GAB3: variants seen among roughly 807,000 people sequenced by gnomAD.
GAB3 encodes GRB2 associated binding protein 3, also known as GRB2-associated-binding protein 3.
In GAB3, 12 loss-of-function variants were observed where a neutral mutation model predicts 40.4. That is an observed-to-expected ratio of 0.30 (90% CI 0.19 to 0.48). The LOEUF is 0.48. Among genes scored for constraint, GAB3 ranks in the 20% least tolerant of loss-of-function variants. The pLI is 0.99. For missense variants in GAB3, 381 were observed against 461.9 expected, an observed-to-expected ratio of 0.82 and a Z score of 1.61; for synonymous variants, 154 against 176.7, an observed-to-expected ratio of 0.87 and a Z score of 1.02.
At chrX:154,707,123 C>T (rs6643615) in intron 4 of GAB3, among the ~76,000 whole-genome samples, 52,122 of 109,911 alleles carry the variant, frequency 0.47, 10,852 homozygotes, top group East Asian at 0.77. Flanking sequence ...AAACCAAAGA[C>T]GTCATGATAA....
At chrX:154,692,798 GATAA>G (rs1384706318) in intron 8 of GAB3, among the ~76,000 whole-genome samples, 59 of 111,697 alleles carry the variant, frequency 5.3e-4, no homozygotes, top group African/African-American at 1.8e-3. Context: ...CAAAAAAAAA[GATAA>G]ATAAAAATTG....
At chrX:154,697,941 A>AC (rs1251101018) in intron 6 of GAB3, among the ~76,000 whole-genome samples, 5 of 111,495 alleles carry the variant, frequency 4.5e-5, no homozygotes, top group Non-Finnish European at 9.4e-5. Flanking sequence ...TCAGGTATCC[A>AC]CCTTTGCATC....
chrX:154,713,217 G>A lies in GAB3; in HGVS notation c.586C>T (p.His196Tyr). Reference protein sequence around the residue: ...VLSNCETGRLHHTSLPTRCDS... With the variant: ...VLSNCETGRLYHTSLPTRCDS... ...TGGGCATAAGCATACCTGGTATGGT[G>A]CAGTCTTCCAGTCTCGCAGTTGGAC... is the stretch of plus-strand genomic sequence containing the variant. The change falls in exon 3 of 10, where the codon CAC becomes TAC. Residue 196 changes from histidine (H) to tyrosine (Y), a missense_variant. By Grantham distance (83) the His-to-Tyr change is moderately conservative. Coordinates refer to ENST00000424127, the MANE Select transcript of GAB3 (RefSeq NM_001081573.3). The A allele has an allele frequency of 8.3e-7, 1 of 1,206,623 alleles. No homozygotes were observed. Among genetic ancestry groups the A allele is most frequent in the East Asian group, 3.0e-5 (1 of 33,810 alleles).
chrX:154,678,400 G>A, intron 9 of GAB3, 106 bp from the exon 10 acceptor site: 2 of 501,262 alleles, frequency 4.0e-6, no homozygotes, highest in Non-Finnish European at 6.9e-6. Flanking sequence ...CCTTTCCTCT[G>A]TGTGGAAACT....
At chrX:154,687,150 C>T (rs960460980) in intron 8 of GAB3, among the ~76,000 whole-genome samples, 3 of 109,682 alleles carry the variant, frequency 2.7e-5, no homozygotes, top group African/African-American at 1.0e-4. Flanking sequence ...CGAGATTGTG[C>T]CACTGCACTC....
rs957151461 is a variant in GAB3, at chrX:154,693,505, G to A, written c.1530+2412C>T. Among the ~76,000 whole-genome samples the A allele has an allele frequency of 4.5e-5, 5 of 111,850 alleles. No homozygotes were observed. The South Asian group carries it at 1.1e-3, about 25-fold the overall frequency. On this transcript the variant is annotated intron_variant, in intron 8 of 9. Transcript: ENST00000424127. The stretch of plus-strand genomic sequence containing the variant: ...AAAGAAGCCAGTTTTAAAAGGTACC[G>A]TATGATTCTATTTTTGTGGCATTCT...
intron 1 of GAB3, among the ~76,000 whole-genome samples, chrX:154,739,946 A>G (rs1032400245): frequency 8.9e-6 from 1 of 112,390 alleles, no homozygotes; most frequent in Non-Finnish European, 1.9e-5. Context: ...AACCTCACTC[A>G]CAAAGAAATT....
intron 8 of GAB3, among the ~76,000 whole-genome samples, chrX:154,691,574 A>C (rs1428306218): frequency 8.9e-6 from 1 of 112,081 alleles, no homozygotes; most frequent in African/African-American, 3.2e-5. Context: ...TGAAAGACTT[A>C]ATATTGTTAA....
chrX:154,712,638 A>T lies in GAB3; in HGVS notation c.660T>A (p.Asp220Glu), dbSNP rs781946608. The T allele has an allele frequency of 8.8e-6, 10 of 1,138,260 alleles. No homozygotes were observed. The highest frequency in any genetic ancestry group is 9.3e-6 in the Non-Finnish European group (8 of 861,675). The allele number at this position is 1,138,260 out of a possible 1,213,427, so 93.8% of individuals were successfully genotyped here. ...GCTGCAGGCAGTCAACAAAAACATC[A>T]TCAAATGAAGCCTGTTCCAATGAAC... ...SDRSLEQASFDDVFVDCLQPL... is the reference protein window; with the variant it reads ...SDRSLEQASFEDVFVDCLQPL... The change falls in exon 4 of 10, where the codon GAT becomes GAA. Residue 220 changes from aspartate (D) to glutamate (E), a missense_variant. Asp to Glu is a conservative substitution (Grantham distance 45). Around this residue, in one of 2 missense-constraint regions of GAB3, gnomAD observed 364 missense variants for 421.0 expected, o/e 0.86. Transcript: ENST00000424127.
At chrX:154,738,188 G>A (rs892472635) in intron 1 of GAB3, among the ~76,000 whole-genome samples, 4 of 111,941 alleles carry the variant, frequency 3.6e-5, no homozygotes, top group East Asian at 2.8e-4. Context: ...ACGGTGTGGC[G>A]TGGCTGCCAG....
chrX:154,698,204 G>A (rs1346240940), intron 6 of GAB3, among the ~76,000 whole-genome samples: 1 of 112,477 alleles, frequency 8.9e-6, no homozygotes, highest in Non-Finnish European at 1.9e-5. Flanking sequence ...TTTCTGACCA[G>A]AATTAATGGC....
chrX:154,724,077 T>C (rs1557259129), intron 1 of GAB3, among the ~76,000 whole-genome samples: 1 of 111,866 alleles, frequency 8.9e-6, no homozygotes, highest in African/African-American at 3.3e-5. Context: ...CTGGGTGCGG[T>C]GGCTCACGCC....
chrX:154,718,346 C>A (rs782372262), intron 1 of GAB3, among the ~76,000 whole-genome samples: 6 of 108,893 alleles, frequency 5.5e-5, no homozygotes, highest in Non-Finnish European at 7.6e-5. Context: ...GCAGGTGAAC[C>A]CTGGTTTGCT....
upstream of GAB3, among the ~76,000 whole-genome samples, chrX:154,751,299 G>T (rs1161214569): frequency 1.1e-5 from 1 of 88,149 alleles, no homozygotes; most frequent in Non-Finnish European, 2.2e-5. Flanking sequence ...GGGGGGTGTG[G>T]GGGGGGGAGC....
chrX:154,679,223 C>T (rs1557246246), intron 9 of GAB3: 1 of 342,008 alleles, frequency 2.9e-6, no homozygotes, highest in Admixed American at 3.1e-5. Flanking sequence ...AAGAGGTATT[C>T]TGTGATTCTG....
intron 4 of GAB3, among the ~76,000 whole-genome samples, chrX:154,701,286 G>A (rs1557252191): frequency 1.8e-5 from 2 of 112,221 alleles, no homozygotes; most frequent in East Asian, 5.5e-4. Context: ...TTCTCATTGT[G>A]GGACTTGCAT....
At chrX:154,683,248 C>T (rs1381339469) in intron 8 of GAB3, among the ~76,000 whole-genome samples, 19 of 111,947 alleles carry the variant, frequency 1.7e-4, no homozygotes, top group African/African-American at 2.9e-4. Context: ...TTAGGAACTA[C>T]GTTTTGCCAC....
intron 1 of GAB3, among the ~76,000 whole-genome samples, chrX:154,735,594 C>T (rs782324792): frequency 8.9e-6 from 1 of 111,775 alleles, no homozygotes; most frequent in East Asian, 2.8e-4. Flanking sequence ...GAAAATCTTA[C>T]CGGTTCTACC....
At chrX:154,742,571 CAA>C (rs781856536) in intron 1 of GAB3, among the ~76,000 whole-genome samples, 1 of 110,050 alleles carries the variant, frequency 9.1e-6, no homozygotes, top group Non-Finnish European at 1.9e-5. Context: ...CATCGTAAAG[CAA>C]AAAAAGTCAT....
Sources: gnomAD v4.1 joint callset for allele counts (sites outside exome capture counted in the v4.1 genomes callset) on GRCh38, gnomAD v4.1.1 for gene constraint, gnomAD v4.1.1 regional missense constraint, MANE v1.5 for transcripts, NCBI Gene and HGNC (gene_info 2026-07-23, HGNC 2026-07-21) for gene names.